Variants in ZP4 observed in about 807,000 individuals in gnomAD.
ZP4 encodes the protein zona pellucida glycoprotein 4, also known as zona pellucida sperm-binding protein 4.
A neutral mutation model predicts 62.3 loss-of-function variants in ZP4; 62 were observed. The ratio of observed to expected loss-of-function variants is 0.99; its 90% CI spans 0.81 to 1.23. The LOEUF (loss-of-function observed/expected upper bound fraction) is 1.23. Among genes scored for constraint, ZP4 ranks in the 50% most tolerant of loss-of-function variants. The pLI, the probability that ZP4 is intolerant of heterozygous loss-of-function variation, is 0.00. For synonymous variants in ZP4, 289 were observed against 247.3 expected (o/e 1.17, Z -1.58); for missense variants, 774 against 656.0 (o/e 1.18, Z -1.97).
intron 10 of ZP4, among the ~76,000 whole-genome samples, chr1:237,883,245 C>T (rs1475905685): frequency 2.0e-5 from 3 of 152,018 alleles, no homozygotes; most frequent in African/African-American, 7.2e-5. Flanking sequence ...AAATTTCATT[C>T]ACTTGAAATA....
At position 237,885,589 on chromosome 1, in the gene ZP4, G is replaced by A. The variant is rs1391969604; in HGVS notation, c.971-9C>T. On this transcript the variant is annotated splice_polypyrimidine_tract_variant and intron_variant, in intron 7 of 11. Coordinates refer to ENST00000366570, the MANE Select transcript of ZP4 (RefSeq NM_021186.5). ...AGAGCCATAGTTTTTATCTGCAAGA[G>A]GCAGAAATAAGGATTTGAAGTAGTA... The A allele has an allele frequency of 5.6e-6, 9 of 1,611,760 alleles. No individual in the cohort carries two copies. Among genetic ancestry groups the A allele is most frequent in the African/African-American group, 1.3e-5 (1 of 74,854 alleles).
chr1:237,883,810 G>GGAAGAGAGAGGAAGAGAGAGGAAGAGAGA (rs1558530400), intron 10 of ZP4, among the ~76,000 whole-genome samples: 2 of 91,496 alleles, frequency 2.2e-5, no homozygotes, highest in African/African-American at 5.7e-5. Flanking sequence ...AGGAAGAGAG[G>GGAAGAGAGAGGAAGAGAGAGGAAGAGAGA]GAGAAAGGCT....
chr1:237,887,182 G>A (rs1019672857), intron 5 of ZP4, among the ~76,000 whole-genome samples, 192 bp downstream of exon 5: 2 of 152,146 alleles, frequency 1.3e-5, no homozygotes, highest in African/African-American at 4.8e-5. Flanking sequence ...CAGCTGTGAT[G>A]GTCTTAGCTG....
chr1:237,890,580 C>T lies in ZP4; in HGVS notation c.56G>A (p.Gly19Asp). 1 of 1,614,134 alleles carries T rather than the reference C, an allele frequency of 6.2e-7. No individual in the cohort carries two copies. The highest frequency in any genetic ancestry group is 1.1e-5 in the South Asian group (1 of 91,064). ...ATCTGGTGCCTCAGGCTTATGCTGG[C>T]CACTCACAGCAAGAGATAATGAAAC... Reference protein sequence around the residue: ...LCVSLSLAVSGQHKPEAPDYS... With the variant: ...LCVSLSLAVSDQHKPEAPDYS... Residue 19 changes from glycine to aspartate, a missense_variant, in exon 1 of 12, where the codon GGC (glycine) becomes GAC (aspartate). Transcript: ENST00000366570.
rs746065733 is a variant in ZP4 at position 237,882,742 on chromosome 1, G to T, written c.1495C>A (p.Arg499Ser). Residue 499 changes from arginine to serine, a missense_variant and splice_region_variant, in exon 11 of 12, where the codon CGT becomes AGT. Physicochemically the swap from Arg to Ser is moderately radical, Grantham distance 110. Coordinates refer to ENST00000366570, the MANE Select transcript of ZP4 (RefSeq NM_021186.5). The part of the protein sequence containing the change: ...QATKDPPEKL[R>S]VPVDSKVLWV... The stretch of plus-strand genomic sequence containing the variant: ...GATCTCCTCCCTCTTGGATACTTAC[G>T]GAGCTTTTCTGGAGGGTCCTTAGTG... 11 of 1,613,758 alleles carry T rather than the reference G, an allele frequency of 6.8e-6. No individual in the cohort carries two copies. The highest frequency in any genetic ancestry group is 6.6e-5 in the South Asian group (6 of 91,056).
chr1:237,886,320 G>T (rs190654127), intron 6 of ZP4, among the ~76,000 whole-genome samples: 148 of 152,266 alleles, frequency 9.7e-4, no homozygotes, highest in African/African-American at 3.4e-3. Flanking sequence ...GAGAATGTTA[G>T]AAGTGAACAG....
chr1:237,885,426 G>A lies in ZP4; in HGVS notation c.1125C>T (p.Pro375=). ...GGATGGGCCACTGTGGCTGACTCAG[G>A]GGGTCAGTGCTGGGTGTTGCCCAAC... The part of the protein sequence containing the change: ...QQCWATPSTD[P]LSQPQWPILV... The change falls in exon 8 of 12, where the codon CCC becomes CCT. Residue 375 remains proline, a synonymous_variant. Transcript: ENST00000366570. 6.2e-7 allele frequency: 1 copy of A among 1,613,052 alleles called. No homozygotes were observed.
chr1:237,884,883 C>CA (rs1170495447), intron 9 of ZP4, 36 bp from the exon 10 acceptor site: 11 of 1,599,726 alleles, frequency 6.9e-6, no homozygotes, highest in East Asian at 6.7e-5. Context: ...TTTGTAGTAT[C>CA]ACCATGCCAT....
Position 237,886,761 on chromosome 1 carries a change from A to G in ZP4, c.839+10T>C. 6.2e-7 allele frequency: 1 copy of G among 1,612,886 alleles called. No homozygotes were observed. On this transcript the variant is annotated intron_variant, in intron 6 of 11. Transcript: ENST00000366570. ...TGGCAGATGGGAAGTCATTCTGGCC[A>G]AGCCCTTACCTGAAGATGCTGTCAC...
In ZP4 at chr1:237,888,347, CACTT is replaced by C; in HGVS notation, c.553+7_553+10del. 6.4e-7 allele frequency: 1 copy of C among 1,564,070 alleles called. No individual in the cohort carries two copies. The highest frequency in any genetic ancestry group is 1.4e-5 in the African/African-American group (1 of 74,070). On this transcript the variant is annotated splice_region_variant and intron_variant, in intron 4 of 11. Transcript: ENST00000366570. Reference sequence around the variant, plus strand: ...CCTCAGCTGGTTTCAGAGGTGTGCTCACTTACTCACCAGTGTTTCCATAGTAGCA... The same window carrying C: ...CCTCAGCTGGTTTCAGAGGTGTGCTCACTCACCAGTGTTTCCATAGTAGCA...
rs755483121 is a variant in ZP4 at position 237,882,424 on chromosome 1, A to T, written c.1621T>A (p.Ter541LysextTer?). ...CAGGCTGGGAATACACTCTGGTTTT[A>T]TTGACACATTTGGTCTGGGCAACTC... is the stretch of plus-strand genomic sequence containing the variant. ...QKSCPDQMCQ[*>K] Residue 541 changes from the stop codon to lysine (K), a stop_lost, in exon 12 of 12, where the codon TAA becomes AAA. Coordinates refer to ENST00000366570, the MANE Select transcript of ZP4 (RefSeq NM_021186.5). 1 of 1,609,994 alleles carries T rather than the reference A, an allele frequency of 6.2e-7. No homozygotes were observed. Among genetic ancestry groups the T allele is most frequent in the Non-Finnish European group, 8.5e-7 (1 of 1,179,162 alleles).
In ZP4 at chr1:237,883,693, G is replaced by A. The variant is rs1197601576; in HGVS notation, c.1391-847C>T. 6.3e-4 allele frequency among the ~76,000 whole-genome samples: 14 copies of A among 22,136 alleles called. 5 individuals are homozygous for A. Among genetic ancestry groups the A allele is most frequent in the African/African-American group, 5.7e-3 (14 of 2,452 alleles). 14.5% of individuals were successfully genotyped at this position (22,136 alleles called of 152,430 possible). A position where few individuals can be genotyped will look rare whatever the true frequency, so the allele number is the denominator to read the frequency against. ...GGAGGGCGGGGGAGGGCGGGGGAGG[G>A]CGGGGGAGGGCGGGGGAGGGCGGGG... On this transcript the variant is annotated intron_variant, in intron 10 of 11. Transcript: ENST00000366570.
chr1:237,883,060 A>T (rs1426837653), intron 10 of ZP4, among the ~76,000 whole-genome samples: 1 of 152,220 alleles, frequency 6.6e-6, no homozygotes, highest in Non-Finnish European at 1.5e-5. Flanking sequence ...TAAAGATGTT[A>T]GAAACTATCC....
At chr1:237,883,956 TCA>T (rs142077564) in intron 10 of ZP4, among the ~76,000 whole-genome samples, 21 of 127,190 alleles carry the variant, frequency 1.7e-4, no homozygotes, top group African/African-American at 5.7e-4. Flanking sequence ...CAAGAACTGG[TCA>T]CACACACAAA....
Position 237,888,514 on chromosome 1 carries a change from G to C in ZP4, c.401-4C>G. 1 of 1,584,882 alleles carries C rather than the reference G, an allele frequency of 6.3e-7. No individual in the cohort carries two copies. On this transcript the variant is annotated splice_region_variant and splice_polypyrimidine_tract_variant and intron_variant, in intron 3 of 11. Coordinates refer to ENST00000366570, the MANE Select transcript of ZP4 (RefSeq NM_021186.5). ...TCAGTATCTGGAGCATCTCGGGCTAGGTTTTGAAAAAGAGTAAGTCAGGTT... is the reference window on the plus strand; with the variant it reads ...TCAGTATCTGGAGCATCTCGGGCTACGTTTTGAAAAAGAGTAAGTCAGGTT...
chr1:237,883,725 G>GAGAGA (rs1558530134), intron 10 of ZP4, among the ~76,000 whole-genome samples: 18 of 70,698 alleles, frequency 2.5e-4, no homozygotes, highest in African/African-American at 4.4e-4. Flanking sequence ...GGGGGAGGGC[G>GAGAGA]GGGGAGGGAG....
In ZP4 at chr1:237,884,768, C is replaced by T. The variant is rs760401172; in HGVS notation, c.1390+1G>A. 1.5e-5 allele frequency: 25 copies of T among 1,613,038 alleles called. No individual in the cohort carries two copies. Among genetic ancestry groups the T allele is most frequent in the Admixed American group, 5.0e-5 (3 of 59,870 alleles). ...TGTCCTCTAACAGCTTGGTTACTCA[C>T]GACTGAGATCAGGACAGGTCACCAC... is the stretch of plus-strand genomic sequence containing the variant. On this transcript the variant is annotated splice_donor_variant, in intron 10 of 11. Coordinates refer to ENST00000366570, the MANE Select transcript of ZP4 (RefSeq NM_021186.5). LOFTEE classifies it high-confidence loss of function.
At chr1:237,882,583 G>A in intron 11 of ZP4, 34 bp from the exon 12 acceptor site, 3 of 1,580,248 alleles carry the variant, frequency 1.9e-6, no homozygotes, top group Non-Finnish European at 2.6e-6. Flanking sequence ...GTTAATGTAT[G>A]CTAAAACCAA....
intron 10 of ZP4, 70 bp from the exon 11 acceptor site, chr1:237,882,916 G>A: frequency 7.5e-7 from 1 of 1,327,022 alleles, no homozygotes; most frequent in South Asian, 1.3e-5. Context: ...AAAATGTTAT[G>A]GTGCAAGGCC....
Sources: allele counts gnomAD v4.1 joint callset (sites outside exome capture counted in the v4.1 genomes callset), GRCh38; gene constraint gnomAD v4.1.1; transcripts MANE v1.5; gene names NCBI Gene and HGNC (gene_info 2026-07-23, HGNC 2026-07-21).